PAPSS1: variants seen among roughly 807,000 people sequenced by gnomAD.
PAPSS1 encodes the protein 3'-phosphoadenosine 5'-phosphosulfate synthase 1.
PAPSS1 carries 50 observed loss-of-function variants against 72.0 expected under a neutral mutation model. That is an observed-to-expected ratio of 0.69 (90% CI 0.55 to 0.88). The LOEUF (loss-of-function observed/expected upper bound fraction) is 0.88. Among genes scored for constraint, PAPSS1 ranks in the 40% least tolerant of loss-of-function variants. The pLI is 0.00. For synonymous variants in PAPSS1, 261 were observed against 263.6 expected (o/e 0.99, Z 0.09); for missense variants, 657 against 782.2 (o/e 0.84, Z 1.91).
chr4:107,659,190 T>C (rs909579858), intron 6 of PAPSS1, among the ~76,000 whole-genome samples: 2 of 152,206 alleles, frequency 1.3e-5, no homozygotes, highest in East Asian at 1.9e-4. Flanking sequence ...AGAGACCCAA[T>C]CACACACAGA....
At chr4:107,666,636 A>G (rs569334905) in intron 5 of PAPSS1, among the ~76,000 whole-genome samples, 8 of 152,162 alleles carry the variant, frequency 5.3e-5, no homozygotes, top group Non-Finnish European at 1.2e-4. Flanking sequence ...TACTAAAAAC[A>G]TTTTTCTTGG....
Position 107,656,973 on chromosome 4 carries a change from CCTT to C in PAPSS1, c.815_817del (p.Glu272del), listed in dbSNP as rs1248746189. 1 of 1,613,916 alleles carries C rather than the reference CCTT, an allele frequency of 6.2e-7. No homozygotes were observed. The highest frequency in any genetic ancestry group is 8.5e-7 in the Non-Finnish European group (1 of 1,179,912). On this transcript the variant is annotated inframe_deletion, in exon 7 of 12. Coordinates refer to ENST00000265174, the MANE Select transcript of PAPSS1 (RefSeq NM_005443.5). The stretch of plus-strand genomic sequence containing the variant: ...AAAGCCATTCAATGGGGTTGCCCAA[CCTT>C]CTGCCAAAACCTGCACCCACTGCAT...
intron 5 of PAPSS1, among the ~76,000 whole-genome samples, chr4:107,678,581 G>A (rs1245984462): frequency 4.6e-5 from 7 of 151,888 alleles, no homozygotes; most frequent in Admixed American, 2.6e-4. Flanking sequence ...TTGCAATAAA[G>A]GCAGGTAAGA....
intron 11 of PAPSS1, among the ~76,000 whole-genome samples, chr4:107,626,327 T>A (rs1726096894): frequency 1.3e-5 from 2 of 152,206 alleles, no homozygotes; most frequent in Admixed American, 1.3e-4. Flanking sequence ...GTGTGTACTG[T>A]CTGCTTTTTG....
chr4:107,656,892 T>C lies in PAPSS1; in HGVS notation c.895+4A>G, dbSNP rs1400001367. On this transcript the variant is annotated splice_donor_region_variant and intron_variant, in intron 7 of 11. Coordinates refer to ENST00000265174, the MANE Select transcript of PAPSS1 (RefSeq NM_005443.5). ...AATATAATTTTGAATGTAAAATGTC[T>C]TACCATCCAGAAGACAATCAAAATG... The C allele has an allele frequency of 3.2e-6, 5 of 1,552,558 alleles. No individual in the cohort carries two copies. The highest frequency in any genetic ancestry group is 4.4e-6 in the Non-Finnish European group (5 of 1,124,154).
intron 4 of PAPSS1, among the ~76,000 whole-genome samples, chr4:107,683,342 T>C (rs1722684617): frequency 7.1e-6 from 1 of 140,328 alleles, no homozygotes; most frequent in African/African-American, 2.6e-5. Context: ...CATTTAGCAG[T>C]GGGTCACAAG....
intron 5 of PAPSS1, among the ~76,000 whole-genome samples, chr4:107,678,769 A>C (rs986324544): frequency 6.6e-6 from 1 of 152,182 alleles, no homozygotes; most frequent in Non-Finnish European, 1.5e-5. Context: ...GACTAAAAAA[A>C]GTCTTCCTCA....
At chr4:107,682,295 C>CT (rs113311545) in intron 4 of PAPSS1, among the ~76,000 whole-genome samples, 162 bp from the exon 5 acceptor site, 10 of 150,514 alleles carry the variant, frequency 6.6e-5, no homozygotes, top group Non-Finnish European at 8.9e-5. Flanking sequence ...TCTAATTAAA[C>CT]TTTTTTTTTT....
At chr4:107,716,949 A>C (rs1409674293) in intron 1 of PAPSS1, among the ~76,000 whole-genome samples, 1 of 152,098 alleles carries the variant, frequency 6.6e-6, no homozygotes, top group Non-Finnish European at 1.5e-5. Context: ...CTTTCCTTAT[A>C]TTCTTTAACT....
chr4:107,617,208 T>A (rs1301010417), intron 11 of PAPSS1, among the ~76,000 whole-genome samples: 3 of 112,726 alleles, frequency 2.7e-5, no homozygotes, highest in African/African-American at 1.4e-4. Flanking sequence ...AGTCTTCGGC[T>A]TTTTTTTTTT....
At chr4:107,619,284 T>A (rs1725899186) in intron 11 of PAPSS1, among the ~76,000 whole-genome samples, 1 of 152,192 alleles carries the variant, frequency 6.6e-6, no homozygotes. Flanking sequence ...TGGGTACCTC[T>A]TGTCCTGAAG....
At chr4:107,625,344 T>A (rs1726063006) in intron 11 of PAPSS1, among the ~76,000 whole-genome samples, 1 of 152,210 alleles carries the variant, frequency 6.6e-6, no homozygotes, top group South Asian at 2.1e-4. Flanking sequence ...CCTAAGCTAA[T>A]CACTCAAATT....
chr4:107,621,608 C>CTTTTTTTTTTTTTTTCT (rs1725956989), intron 11 of PAPSS1, among the ~76,000 whole-genome samples: 1 of 48,148 alleles, frequency 2.1e-5, no homozygotes, highest in Admixed American at 2.9e-4. Flanking sequence ...GGTTTTTTAT[C>CTTTTTTTTTTTTTTTCT]TTTTTTTTTT....
intron 5 of PAPSS1, among the ~76,000 whole-genome samples, chr4:107,665,298 T>C (rs1289006926): frequency 6.6e-6 from 1 of 152,148 alleles, no homozygotes; most frequent in African/African-American, 2.4e-5. Flanking sequence ...CCAAAACCAC[T>C]ACTAAACATC....
chr4:107,707,648 T>C (rs1310466748), intron 1 of PAPSS1, among the ~76,000 whole-genome samples: 4 of 152,200 alleles, frequency 2.6e-5, no homozygotes, highest in African/African-American at 9.6e-5. Flanking sequence ...GGCAGTAATA[T>C]AGGTCATGTA....
chr4:107,648,199 A>G (rs1206868616), intron 9 of PAPSS1, among the ~76,000 whole-genome samples: 1 of 152,228 alleles, frequency 6.6e-6, no homozygotes, highest in Admixed American at 6.5e-5. Context: ...CAGCAGGTAG[A>G]AGAGGAAGAA....
chr4:107,618,635 T>A (rs554603612), intron 11 of PAPSS1, among the ~76,000 whole-genome samples: 1 of 152,022 alleles, frequency 6.6e-6, no homozygotes, highest in East Asian at 1.9e-4. Flanking sequence ...TAGAAAAAGA[T>A]GTGGTGGTTA....
At chr4:107,647,357 T>C (rs1332462958) in intron 9 of PAPSS1, among the ~76,000 whole-genome samples, 1 of 152,212 alleles carries the variant, frequency 6.6e-6, no homozygotes, top group Non-Finnish European at 1.5e-5. Flanking sequence ...TACATGACAC[T>C]GCTGGACTGG....
intron 11 of PAPSS1, among the ~76,000 whole-genome samples, chr4:107,630,973 G>A (rs12499707): frequency 0.24 from 36,592 of 152,020 alleles, 4,430 homozygotes; most frequent in East Asian, 0.37. Context: ...TGACACCTTT[G>A]CTTTCTGATG....
Sources: allele counts gnomAD v4.1 joint callset (sites outside exome capture counted in the v4.1 genomes callset), GRCh38; gene constraint gnomAD v4.1.1; transcripts MANE v1.5; gene names NCBI Gene and HGNC (gene_info 2026-07-23, HGNC 2026-07-21).